The following CAST variants were observed in gnomAD, a reference collection of about 807,000 sequenced individuals.
CAST encodes calpastatin, also known as MIR583 host.
Under a neutral mutation model 119.6 loss-of-function variants are expected in CAST, and 76 were observed. The observed-to-expected ratio is 0.64, with a 90% CI of 0.53 to 0.77. The LOEUF (loss-of-function observed/expected upper bound fraction) is 0.77, where lower values mean the gene tolerates loss of function less well. Among genes scored for constraint, CAST ranks in the 30% least tolerant of loss-of-function variants. CAST has a pLI of 0.00. For missense variants in CAST, 953 were observed against 946.5 expected, an observed-to-expected ratio of 1.01 and a Z score of -0.09; for synonymous variants, 319 against 331.6, an observed-to-expected ratio of 0.96 and a Z score of 0.41.
At chr5:96,702,953 C>A in intron 3 of CAST, 1 of 985,522 alleles carries the variant, frequency 1.0e-6, no homozygotes, top group Non-Finnish European at 1.2e-6. Context: ...CCAGGCCGCG[C>A]GTGCTCCCGG....
At chr5:95,987,057 G>A in the CAST span, among the ~76,000 whole-genome samples, 1 of 152,002 alleles carries the variant, frequency 6.6e-6, no homozygotes, top group Non-Finnish European at 1.5e-5. Flanking sequence ...TCTGCCCTTG[G>A]GCTTCTGATT....
the CAST span, among the ~76,000 whole-genome samples, chr5:96,124,174 G>A: frequency 3.2e-4 from 49 of 152,132 alleles, no homozygotes; most frequent in African/African-American, 1.2e-3. Context: ...TTGGCTTTTT[G>A]TTTGTTTTAT....
At chr5:96,590,087 G>A (rs757859168) in intron 1 of CAST, among the ~76,000 whole-genome samples, 23 of 152,314 alleles carry the variant, frequency 1.5e-4, no homozygotes, top group Admixed American at 4.6e-4. Flanking sequence ...TTTTAAAAGT[G>A]AAGAAATTTC....
chr5:96,604,248 A>C (rs1017805319), intron 1 of CAST, among the ~76,000 whole-genome samples: 1 of 152,220 alleles, frequency 6.6e-6, no homozygotes, highest in Admixed American at 6.5e-5. Flanking sequence ...AAACATTGTT[A>C]TGTAACACAT....
intron 1 of CAST, among the ~76,000 whole-genome samples, chr5:96,535,125 A>G (rs1195589551): frequency 6.6e-6 from 1 of 152,212 alleles, no homozygotes; most frequent in Non-Finnish European, 1.5e-5. Flanking sequence ...TAAATTCAAT[A>G]AATACAGAAA....
chr5:96,534,538 G>A (rs1407604778), intron 1 of CAST, among the ~76,000 whole-genome samples: 2 of 151,218 alleles, frequency 1.3e-5, no homozygotes, highest in African/African-American at 2.4e-5. Context: ...GTGTAGTGGT[G>A]CGTGCCTGTA....
the CAST span, chr5:96,400,185 G>A: frequency 6.2e-7 from 1 of 1,610,074 alleles, no homozygotes; most frequent in African/African-American, 1.3e-5. Flanking sequence ...GTGAGATTTG[G>A]GCTGGAGGGG....
the CAST span, among the ~76,000 whole-genome samples, chr5:96,290,117 G>C: frequency 6.6e-6 from 1 of 152,162 alleles, no homozygotes; most frequent in Non-Finnish European, 1.5e-5. Flanking sequence ...ACTCATGTGT[G>C]AAAGAAACAT....
At chr5:96,169,531 G>C in the CAST span, among the ~76,000 whole-genome samples, 3 of 152,178 alleles carry the variant, frequency 2.0e-5, no homozygotes, top group African/African-American at 7.2e-5. Flanking sequence ...CAGGTAAAAT[G>C]GGGGAATTGT....
At position 96,767,499 on chromosome 5, in the gene CAST, C is replaced by T. The variant is rs761397538; in HGVS notation, c.2175+17C>T. 8 of 1,605,820 alleles carry T rather than the reference C, an allele frequency of 5.0e-6. No individual in the cohort carries two copies. Among genetic ancestry groups the T allele is most frequent in the Non-Finnish European group, 6.8e-6 (8 of 1,173,430 alleles). ...GATTCAAAGGTAAAGACCATAGGAA[C>T]ATATTTCCATTAAATTTTGTTTTAT... On this transcript the variant is annotated intron_variant, in intron 28 of 31. Coordinates refer to ENST00000675179, the MANE Select transcript of CAST (RefSeq NM_001750.7).
At position 96,720,648 on chromosome 5, in the gene CAST, T is replaced by C. The variant is rs369106478; in HGVS notation, c.211-1991T>C. On this transcript the variant is annotated intron_variant, in intron 3 of 31. Transcript: ENST00000675179. ...CCACTACACCCTGCGCCATTGCTGA[T>C]TTTCAGCTGTTCTGTATAGAGATTT... Among the ~76,000 whole-genome samples the C allele has an allele frequency of 1.4e-3, 212 of 152,370 alleles. 1 individual carries two copies. The highest frequency in any genetic ancestry group is 4.8e-3 in the African/African-American group (201 of 41,584).
the CAST span, among the ~76,000 whole-genome samples, chr5:96,117,485 C>T: frequency 1.3e-5 from 2 of 152,006 alleles, no homozygotes; most frequent in African/African-American, 2.4e-5. Flanking sequence ...TTCTCAAGTT[C>T]GACAATAAAT....
chr5:96,638,869 C>T (rs1270665338), intron 1 of CAST, among the ~76,000 whole-genome samples: 1 of 152,176 alleles, frequency 6.6e-6, no homozygotes, highest in Non-Finnish European at 1.5e-5. Flanking sequence ...CACTGCAGAA[C>T]TTCCCTATCC....
At chr5:96,128,849 A>G in the CAST span, among the ~76,000 whole-genome samples, 1 of 152,094 alleles carries the variant, frequency 6.6e-6, no homozygotes, top group Admixed American at 6.6e-5. Context: ...CAGGGCCTAC[A>G]TTGCACAAGG....
At chr5:96,052,078 G>C in the CAST span, among the ~76,000 whole-genome samples, 1 of 152,128 alleles carries the variant, frequency 6.6e-6, no homozygotes, top group Non-Finnish European at 1.5e-5. Context: ...AGTTATTGCT[G>C]ATATCATTGT....
At chr5:96,634,645 G>T (rs1747863105) in intron 1 of CAST, among the ~76,000 whole-genome samples, 1 of 152,182 alleles carries the variant, frequency 6.6e-6, no homozygotes. Context: ...AAAATCATCA[G>T]ATAGTGTTGC....
chr5:96,315,686 G>C, the CAST span, among the ~76,000 whole-genome samples: 11 of 152,310 alleles, frequency 7.2e-5, no homozygotes, highest in African/African-American at 1.2e-4. Flanking sequence ...ATGTGGATGG[G>C]CTCTGTAACT....
intron 1 of CAST, among the ~76,000 whole-genome samples, chr5:96,672,269 C>CTG (rs374320058): frequency 6.6e-6 from 1 of 151,762 alleles, no homozygotes; most frequent in African/African-American, 2.4e-5. Context: ...GTATGTATGC[C>CTG]TGTGTGTGTG....
At chr5:96,193,313 T>C in the CAST span, among the ~76,000 whole-genome samples, 1 of 151,762 alleles carries the variant, frequency 6.6e-6, no homozygotes, top group Non-Finnish European at 1.5e-5. Flanking sequence ...ATATTTATTG[T>C]GACCATTTGT....
Sources: allele counts gnomAD v4.1 joint callset (sites outside exome capture counted in the v4.1 genomes callset), GRCh38; gene constraint gnomAD v4.1.1; transcripts MANE v1.5; gene names NCBI Gene and HGNC (gene_info 2026-07-23, HGNC 2026-07-21).